The following MCC variants were observed in gnomAD, a reference collection of about 807,000 sequenced individuals.
The protein encoded by MCC is MCC regulator of Wnt signaling pathway, also known as colorectal mutant cancer protein.
Under a neutral mutation model 116.2 loss-of-function variants are expected in MCC, and 90 were observed. That is an observed-to-expected ratio of 0.77 (90% CI 0.65 to 0.92). The LOEUF is 0.92. MCC is among the 40% of genes least tolerant of loss of function. MCC has a pLI of 0.00. For missense variants in MCC, 1,516 were observed against 1,312.2 expected (o/e 1.16, Z -2.40); for synonymous variants, 578 against 510.5 (o/e 1.13, Z -1.78).
chr5:113,296,259 A>G (rs559902397), intron 3 of MCC, among the ~76,000 whole-genome samples: 8 of 152,330 alleles, frequency 5.3e-5, no homozygotes, highest in Admixed American at 2.0e-4. Flanking sequence ...TGGTATATAC[A>G]TAACTATGAA....
At position 113,026,386 on chromosome 5, in the gene MCC, A is replaced by C. The variant is rs1750552277; in HGVS notation, c.*916T>G. 1 of 152,280 alleles carries C rather than the reference A, an allele frequency of 6.6e-6. No homozygotes were observed. Among genetic ancestry groups the C allele is most frequent in the African/African-American group, 2.4e-5 (1 of 41,472 alleles). The allele number at this position is 152,280 out of a possible 1,614,324, so 9.4% of individuals were successfully genotyped here. ...AGCTACAAATGCACCCATGTGGAAG[A>C]GATTTGATTCAGCAGAACAGCAATT... On this transcript the variant is annotated 3_prime_UTR_variant, in exon 19 of 19. Transcript: ENST00000408903.
chr5:113,037,994 T>C (rs1580893738), intron 17 of MCC, among the ~76,000 whole-genome samples: 1 of 152,170 alleles, frequency 6.6e-6, no homozygotes, highest in African/African-American at 2.4e-5. Context: ...TTTAAGGTAT[T>C]CTGGCGGCAG....
intron 5 of MCC, among the ~76,000 whole-genome samples, chr5:113,141,096 G>T (rs1382636340): frequency 6.6e-6 from 1 of 152,164 alleles, no homozygotes; most frequent in Non-Finnish European, 1.5e-5. Context: ...GAACAAAAAA[G>T]GAAGAGAAAA....
chr5:113,201,343 G>A (rs930990331), intron 3 of MCC, among the ~76,000 whole-genome samples: 26 of 143,298 alleles, frequency 1.8e-4, no homozygotes, highest in Admixed American at 1.5e-3. Flanking sequence ...CTGAGATTAC[G>A]CCATTGCACT....
At chr5:113,269,354 G>T in intron 3 of MCC, 1 of 264,790 alleles carries the variant, frequency 3.8e-6, no homozygotes, top group Non-Finnish European at 5.8e-6. Flanking sequence ...TGCTTATGTG[G>T]CTAAATTCCT....
chr5:113,369,927 T>TA (rs1768797455), intron 2 of MCC, among the ~76,000 whole-genome samples: 1 of 152,154 alleles, frequency 6.6e-6, no homozygotes, highest in Admixed American at 6.5e-5. Context: ...CTGATTCAAG[T>TA]AAAAAATCTA....
rs879592793 is a variant in MCC at position 113,321,455 on chromosome 5, C to T, written c.627+19064G>A. Among the ~76,000 whole-genome samples the T allele has an allele frequency of 5.9e-5, 9 of 152,288 alleles. 1 individual carries two copies. The highest frequency in any genetic ancestry group is 1.9e-4 in the East Asian group (1 of 5,182). Reference sequence around the variant, plus strand: ...AGGAGGTAAAATCTAAGTCAGAGCTCGGCCTTCTGGATCTGAGAGGAAATG... The same window carrying T: ...AGGAGGTAAAATCTAAGTCAGAGCTTGGCCTTCTGGATCTGAGAGGAAATG... On this transcript the variant is annotated intron_variant, in intron 3 of 18. Transcript: ENST00000408903.
At chr5:113,288,840 C>G (rs992281822) in intron 3 of MCC, among the ~76,000 whole-genome samples, 1 of 152,086 alleles carries the variant, frequency 6.6e-6, no homozygotes, top group Non-Finnish European at 1.5e-5. Flanking sequence ...ATATGCTTTT[C>G]CCCCTTCTTA....
At chr5:113,164,214 G>C (rs765239550) in intron 3 of MCC, among the ~76,000 whole-genome samples, 7 of 152,124 alleles carry the variant, frequency 4.6e-5, no homozygotes, top group Non-Finnish European at 8.8e-5. Context: ...CCTGCAGGTG[G>C]TCACTATGTC....
chr5:113,366,864 G>A (rs1388982153), intron 2 of MCC, among the ~76,000 whole-genome samples: 3 of 152,080 alleles, frequency 2.0e-5, no homozygotes, highest in Non-Finnish European at 2.9e-5. Context: ...GTGCAGTGGT[G>A]CGATCATACT....
chr5:113,374,266 T>A (rs1355123081), intron 2 of MCC, among the ~76,000 whole-genome samples: 4 of 151,788 alleles, frequency 2.6e-5, no homozygotes, highest in African/African-American at 9.7e-5. Context: ...CCAGAAAATG[T>A]CTTTGCTATG....
chr5:113,258,576 C>G (rs1356033072), intron 3 of MCC, among the ~76,000 whole-genome samples: 1 of 152,240 alleles, frequency 6.6e-6, no homozygotes, highest in Non-Finnish European at 1.5e-5. Flanking sequence ...GCCAGATGAT[C>G]TGAGGTAGAA....
At chr5:113,224,330 T>A (rs114619649) in intron 3 of MCC, among the ~76,000 whole-genome samples, 2,172 of 152,276 alleles carry the variant, frequency 0.014, 50 homozygotes, top group African/African-American at 0.049. Context: ...TGGCCTCAAG[T>A]GATCAGCCCG....
chr5:113,128,716 T>C (rs184180223), intron 5 of MCC, among the ~76,000 whole-genome samples: 38 of 152,330 alleles, frequency 2.5e-4, no homozygotes, highest in African/African-American at 8.7e-4. Flanking sequence ...AAGAGATTGA[T>C]ACAGACCACA....
intron 1 of MCC, among the ~76,000 whole-genome samples, chr5:113,487,485 A>G (rs1212935577): frequency 1.3e-5 from 2 of 152,244 alleles, no homozygotes; most frequent in Non-Finnish European, 2.9e-5. Context: ...GGGAGGCAGG[A>G]AGCTTAAATA....
chr5:113,260,342 T>G (rs899342545), intron 3 of MCC, among the ~76,000 whole-genome samples: 1 of 152,204 alleles, frequency 6.6e-6, no homozygotes, highest in Non-Finnish European at 1.5e-5. Flanking sequence ...TGGTATTGAT[T>G]TGCGCTTTTG....
At chr5:113,177,587 C>G (rs1213428987) in intron 3 of MCC, among the ~76,000 whole-genome samples, 2 of 152,124 alleles carry the variant, frequency 1.3e-5, no homozygotes, top group Non-Finnish European at 2.9e-5. Context: ...TGATGATAAA[C>G]AATGTTAACA....
rs907061716 is a variant in MCC at position 113,072,517 on chromosome 5, G to A, written c.1785-1283C>T. Among the ~76,000 whole-genome samples, 3 of 152,246 alleles carry A rather than the reference G, an allele frequency of 2.0e-5. No individual in the cohort carries two copies. The East Asian group carries it at 5.8e-4, about 29-fold the overall frequency. ...CCTCCATGTAGCCAAGCCCATCTCAGGGCCCTTCTCAGACAACACCCCACT... is the reference window on the plus strand; with the variant it reads ...CCTCCATGTAGCCAAGCCCATCTCAAGGCCCTTCTCAGACAACACCCCACT... On this transcript the variant is annotated intron_variant, in intron 11 of 18. Coordinates refer to ENST00000408903, the MANE Select transcript of MCC (RefSeq NM_001085377.2).
intron 3 of MCC, among the ~76,000 whole-genome samples, chr5:113,263,042 T>G (rs1312843848): frequency 6.6e-6 from 1 of 151,852 alleles, no homozygotes; most frequent in Non-Finnish European, 1.5e-5. Context: ...ACTTGTATAT[T>G]TTTCTACCCT....
Sources: gnomAD v4.1 joint callset for allele counts (sites outside exome capture counted in the v4.1 genomes callset) on GRCh38, gnomAD v4.1.1 for gene constraint, MANE v1.5 for transcripts, NCBI Gene and HGNC (gene_info 2026-07-23, HGNC 2026-07-21) for gene names.